The following SF3B3 variants were observed in gnomAD, a reference collection of about 807,000 sequenced individuals.
SF3B3 encodes SAP 130.
A neutral mutation model predicts 139.2 loss-of-function variants in SF3B3; 33 were observed. The ratio of observed to expected loss-of-function variants is 0.24; its 90% CI spans 0.18 to 0.32. SF3B3 has a LOEUF of 0.32. Ranked by LOEUF, SF3B3 falls within the 10% of genes least tolerant of loss-of-function variation. SF3B3 has a pLI of 1.00. For missense variants in SF3B3, 818 were observed against 1,509.4 expected (o/e 0.54, Z 7.59); for synonymous variants, 596 against 563.6 (o/e 1.06, Z -0.81).
rs1472539036 is a variant in SF3B3, at chr16:70,568,298, A to C, written c.2968A>C (p.Ile990Leu). ...TTTTTCCCAGCATATTGCCAATTAT[A>C]TCTCTGGGATCCAGACTATCGGACA... ...KCENKHIANY[I>L]SGIQTIGHRV... The change falls in exon 22 of 26, where the codon ATC (isoleucine) becomes CTC (leucine). Residue 990 changes from isoleucine to leucine, a missense_variant. Around this residue, in one of 14 missense-constraint regions of SF3B3, gnomAD observed 145 missense variants for 153.6 expected, o/e 0.94. Transcript: ENST00000302516. 2.5e-6 allele frequency: 4 copies of C among 1,611,592 alleles called. No individual in the cohort carries two copies. Among genetic ancestry groups the C allele is most frequent in the Non-Finnish European group, 3.4e-6 (4 of 1,177,760 alleles).
At position 70,569,057 on chromosome 16, in the gene SF3B3, T is replaced by C. The variant is rs1376524151; in HGVS notation, c.3180T>C (p.Pro1060=). 2 of 1,610,438 alleles carry C rather than the reference T, an allele frequency of 1.2e-6. No individual in the cohort carries two copies. The highest frequency in any genetic ancestry group is 8.5e-7 in the Non-Finnish European group (1 of 1,178,642). The change falls in exon 23 of 26, where the codon CCT becomes CCC. Residue 1060 remains proline, a synonymous_variant. Transcript: ENST00000302516. ...CTTCCTTGTAGGTGAGGCTCCCACC[T>C]AACACCAATGATGAAGTAGATGAGG... The part of the protein sequence containing the change: ...FGNICVVRLP[P]NTNDEVDEDP...
chr16:70,556,048 A>C, intron 13 of SF3B3, 131 bp from the exon 14 acceptor site: 1 of 825,358 alleles, frequency 1.2e-6, no homozygotes, highest in Non-Finnish European at 1.9e-6. Context: ...CTATAGTAAG[A>C]GGAGTGAGAG....
intron 17 of SF3B3, 27 bp downstream of exon 17, chr16:70,561,811 A>G (rs749201310): frequency 1.2e-6 from 2 of 1,606,568 alleles, no homozygotes; most frequent in South Asian, 2.2e-5. Flanking sequence ...TTTGAAGCTC[A>G]GCAGGAAGCC....
intron 6 of SF3B3, 73 bp from the exon 7 acceptor site, chr16:70,538,250 T>C (rs1172698064): frequency 1.5e-6 from 2 of 1,358,644 alleles, no homozygotes; most frequent in Admixed American, 3.5e-5. Flanking sequence ...TAATCCCTAT[T>C]GGTAAAGTGC....
chr16:70,545,711 T>G (rs1176063811), intron 10 of SF3B3, among the ~76,000 whole-genome samples: 5 of 152,222 alleles, frequency 3.3e-5, no homozygotes. Context: ...GCTCTACCAC[T>G]TAATAGCTAT....
At chr16:70,530,632 G>A in intron 3 of SF3B3, 113 bp from the exon 4 acceptor site, 1 of 895,048 alleles carries the variant, frequency 1.1e-6, no homozygotes. Context: ...TACTTGTAGA[G>A]TTACTGCTGT....
intron 15 of SF3B3, among the ~76,000 whole-genome samples, chr16:70,559,867 G>C (rs1167390156): frequency 3.3e-5 from 5 of 151,726 alleles, no homozygotes; most frequent in African/African-American, 9.7e-5. Flanking sequence ...CTTCCACAGT[G>C]CTGTGATTAC....
chr16:70,563,210 T>C (rs1294332767), intron 17 of SF3B3, among the ~76,000 whole-genome samples: 1 of 152,230 alleles, frequency 6.6e-6, no homozygotes, highest in Non-Finnish European at 1.5e-5. Context: ...CCTTAGGTGA[T>C]CTGCCTGCTT....
Position 70,571,254 on chromosome 16 carries a change from G to A in SF3B3, c.3513+55G>A, listed in dbSNP as rs1285033026. 1.5e-5 allele frequency: 20 copies of A among 1,298,944 alleles called. No homozygotes were observed. The East Asian group carries it at 1.6e-4, about 10-fold the overall frequency. The allele number at this position is 1,298,944 out of a possible 1,614,324, so 80.5% of individuals were successfully genotyped here. The stretch of plus-strand genomic sequence containing the variant: ...GAGATCTGAGAAAGGAGCAGCACAG[G>A]GAGTGGATTGATGGGAATAGTACCA... On this transcript the variant is annotated intron_variant, in intron 25 of 25. Coordinates refer to ENST00000302516, the MANE Select transcript of SF3B3 (RefSeq NM_012426.5).
intron 8 of SF3B3, 136 bp from the exon 9 acceptor site, chr16:70,541,533 C>G: frequency 1.5e-6 from 1 of 665,742 alleles, no homozygotes; most frequent in South Asian, 2.5e-5. Context: ...AGCTGTCGTA[C>G]TTAGTGATAA....
At chr16:70,543,537 G>C (rs985331841) in intron 9 of SF3B3, among the ~76,000 whole-genome samples, 4 of 151,682 alleles carry the variant, frequency 2.6e-5, no homozygotes, top group African/African-American at 9.7e-5. Flanking sequence ...GTGAAACCCC[G>C]TCTCTACTAA....
At chr16:70,564,800 A>G (rs2050460099) in intron 18 of SF3B3, among the ~76,000 whole-genome samples, 1 of 152,220 alleles carries the variant, frequency 6.6e-6, no homozygotes, top group African/African-American at 2.4e-5. Context: ...CCACTAGTCC[A>G]ATATTTGTCA....
rs1256360200 is a variant in SF3B3, at chr16:70,557,040, C to T, written c.2010+11C>T. On this transcript the variant is annotated intron_variant, in intron 15 of 25. Transcript: ENST00000302516. ...AATATTGGGCTACAGGTAAGAGATC[C>T]AGAGGCCCACATTGTGGACATTAGG... is the stretch of plus-strand genomic sequence containing the variant. 3.1e-6 allele frequency: 5 copies of T among 1,598,154 alleles called. No homozygotes were observed. Among genetic ancestry groups the T allele is most frequent in the Non-Finnish European group, 8.5e-7 (1 of 1,173,766 alleles).
intron 1 of SF3B3, 120 bp from the exon 2 acceptor site, chr16:70,526,467 T>C: frequency 1.8e-6 from 1 of 562,344 alleles, no homozygotes; most frequent in Non-Finnish European, 3.1e-6. Context: ...CGGTCACATA[T>C]GTTGTTTCTT....
intron 16 of SF3B3, 58 bp from the exon 17 acceptor site, chr16:70,561,572 A>G (rs1202773887): frequency 6.6e-7 from 1 of 1,509,150 alleles, no homozygotes; most frequent in East Asian, 2.3e-5. Context: ...GTCAGCTTAT[A>G]CCATATTTGT....
At chr16:70,556,111 G>A (rs1208863830) in intron 13 of SF3B3, 68 bp from the exon 14 acceptor site, 4 of 1,511,422 alleles carry the variant, frequency 2.6e-6, no homozygotes, top group Non-Finnish European at 3.7e-6. Flanking sequence ...CCAGGGTTTT[G>A]GGGTGAATTG....
intron 10 of SF3B3, among the ~76,000 whole-genome samples, chr16:70,546,449 C>T (rs74833921): frequency 3.3e-5 from 5 of 152,126 alleles, no homozygotes; most frequent in Non-Finnish European, 7.4e-5. Flanking sequence ...GTCAGGAGTT[C>T]GAGACCAGCC....
Position 70,576,441 on chromosome 16 carries a change from TTC to T in SF3B3, c.*4632_*4633del, listed in dbSNP as rs1467158461. 3 of 152,168 alleles carry T rather than the reference TTC, an allele frequency of 2.0e-5. No homozygotes were observed. The highest frequency in any genetic ancestry group is 4.4e-5 in the Non-Finnish European group (3 of 68,032). 9.4% of individuals were successfully genotyped at this position (152,168 alleles called of 1,614,324 possible). On this transcript the variant is annotated 3_prime_UTR_variant, in exon 26 of 26. Coordinates refer to ENST00000302516, the MANE Select transcript of SF3B3 (RefSeq NM_012426.5). The stretch of plus-strand genomic sequence containing the variant: ...GGTCCACTCAGCAGAACTTGCTCCC[TTC>T]TCTGACTGCAGTCTCATAATGAAAG...
At chr16:70,570,881 C>T (rs550282244) in intron 24 of SF3B3, among the ~76,000 whole-genome samples, 76 of 152,322 alleles carry the variant, frequency 5.0e-4, no homozygotes, top group African/African-American at 1.7e-3. Flanking sequence ...TTATGTGTGG[C>T]ATTCTCTCTT....
Sources: allele counts gnomAD v4.1 joint callset (sites outside exome capture counted in the v4.1 genomes callset), GRCh38; gene constraint gnomAD v4.1.1; regional missense constraint gnomAD v4.1.1; transcripts MANE v1.5; gene names NCBI Gene and HGNC (gene_info 2026-07-23, HGNC 2026-07-21).